Variants in PNLIP observed in about 807,000 individuals in gnomAD.
The protein encoded by PNLIP is pancreatic lipase.
In PNLIP, 49 loss-of-function variants were observed where a neutral mutation model predicts 57.1. The observed-to-expected ratio is 0.86, with a 90% CI of 0.68 to 1.09. The LOEUF is 1.09. Ranked by LOEUF, PNLIP falls within the 50% of genes least tolerant of loss-of-function variation. The pLI is 0.00. For missense variants in PNLIP, 503 were observed against 570.2 expected (o/e 0.88, Z 1.20); for synonymous variants, 209 against 200.4 (o/e 1.04, Z -0.36).
At chr10:116,547,159 G>A in intron 2 of PNLIP, 135 bp from the exon 3 acceptor site, 1 of 764,368 alleles carries the variant, frequency 1.3e-6, no homozygotes, top group Non-Finnish European at 2.2e-6. Context: ...TGTTTTGTGA[G>A]TGTGTGGCTA....
At chr10:116,556,887 G>A (rs973914390) in intron 9 of PNLIP, among the ~76,000 whole-genome samples, 5 of 152,210 alleles carry the variant, frequency 3.3e-5, no homozygotes, top group African/African-American at 1.2e-4. Flanking sequence ...GAGAGAGGAT[G>A]CAAATCTTGG....
chr10:116,549,587 T>C (rs903917600), intron 4 of PNLIP, among the ~76,000 whole-genome samples: 2 of 152,194 alleles, frequency 1.3e-5, no homozygotes, highest in Non-Finnish European at 2.9e-5. Flanking sequence ...ACCTATCCAT[T>C]GATCCTGAAG....
At chr10:116,566,620 T>C (rs923670769) in intron 12 of PNLIP, among the ~76,000 whole-genome samples, 1 of 152,232 alleles carries the variant, frequency 6.6e-6, no homozygotes, top group Non-Finnish European at 1.5e-5. Context: ...ATGAGGTAGA[T>C]GGTTTTATTA....
intron 9 of PNLIP, among the ~76,000 whole-genome samples, chr10:116,558,078 T>G (rs1353058961): frequency 6.7e-6 from 1 of 150,134 alleles, no homozygotes; most frequent in Non-Finnish European, 1.5e-5. Flanking sequence ...TTTTTAAACC[T>G]TTAAAAAAAA....
In PNLIP at chr10:116,562,065, A is replaced by G. The variant is rs547928381; in HGVS notation, c.1334+429A>G. ...CAAATCACTGGTCTTCTTAGTGAAG[A>G]CGAAGGTCCAGGAGATAATTCTTGG... On this transcript the variant is annotated intron_variant, in intron 12 of 12. Coordinates refer to ENST00000369221, the MANE Select transcript of PNLIP (RefSeq NM_000936.4). Among the ~76,000 whole-genome samples, 11 of 152,340 alleles carry G rather than the reference A, an allele frequency of 7.2e-5. No individual in the cohort carries two copies. In the South Asian group the frequency reaches 2.1e-3, roughly 29 times the overall value.
intron 5 of PNLIP, among the ~76,000 whole-genome samples, chr10:116,551,681 C>T (rs1227733251): frequency 6.6e-6 from 1 of 152,142 alleles, no homozygotes; most frequent in Admixed American, 6.5e-5. Flanking sequence ...ACTTTCTAAT[C>T]CAAATACTTG....
At chr10:116,561,374 T>C (rs1847313492) in intron 11 of PNLIP, 98 bp from the exon 12 acceptor site, 1 of 779,484 alleles carries the variant, frequency 1.3e-6, no homozygotes, top group East Asian at 2.8e-5. Context: ...AACATAAATG[T>C]GTATGTATAT....
chr10:116,557,510 T>C (rs1847265411), intron 9 of PNLIP, among the ~76,000 whole-genome samples: 1 of 152,222 alleles, frequency 6.6e-6, no homozygotes, highest in Non-Finnish European at 1.5e-5. Context: ...TTGCCTGTTT[T>C]ATTGATGGGC....
At chr10:116,560,124 G>A (rs555033606) in intron 10 of PNLIP, among the ~76,000 whole-genome samples, 12 of 151,604 alleles carry the variant, frequency 7.9e-5, no homozygotes, top group African/African-American at 2.9e-4. Context: ...AAATTGTCAG[G>A]TTGGAAATTG....
At position 116,555,213 on chromosome 10, in the gene PNLIP, C is replaced by T. The variant is rs1441897443; in HGVS notation, c.607C>T (p.Pro203Ser). 1.9e-6 allele frequency: 3 copies of T among 1,614,154 alleles called. No individual in the cohort carries two copies. The highest frequency in any genetic ancestry group is 1.7e-5 in the Admixed American group (1 of 60,024). ...DPAEPCFQGT[P>S]ELVRLDPSDA... ...AGCAGAACCTTGCTTTCAGGGCACA[C>T]CTGAATTAGTCCGATTGGACCCCAG... Residue 203 changes from proline to serine, a missense_variant, in exon 7 of 13, where the codon CCT (proline) becomes TCT (serine). Pro to Ser is a moderately conservative substitution (Grantham distance 74, BLOSUM62 -1). Transcript: ENST00000369221.
chr10:116,556,055 T>G lies in PNLIP; in HGVS notation c.867T>G (p.Asp289Glu). Residue 289 changes from aspartate to glutamate, a missense_variant, in exon 9 of 13, where the codon GAT becomes GAG. Physicochemically the swap from Asp to Glu is conservative, Grantham distance 45 (BLOSUM62 2). Coordinates refer to ENST00000369221, the MANE Select transcript of PNLIP (RefSeq NM_000936.4). ...NHLRSYKYYT[D>E]SIVNPDGFAG... ...TAAGAAGCTACAAATATTACACTGATAGCATCGTCAACCCTGATGGCTTTG... is the reference window on the plus strand; with the variant it reads ...TAAGAAGCTACAAATATTACACTGAGAGCATCGTCAACCCTGATGGCTTTG... 1.2e-6 allele frequency: 2 copies of G among 1,614,084 alleles called. No homozygotes were observed. The highest frequency in any genetic ancestry group is 1.7e-6 in the Non-Finnish European group (2 of 1,179,936).
At chr10:116,560,550 C>CTTT (rs753235094) in intron 11 of PNLIP, 26 bp downstream of exon 11, 1,445 of 504,060 alleles carry the variant, frequency 2.9e-3, no homozygotes, top group South Asian at 8.8e-3. Flanking sequence ...TTGCTCTATG[C>CTTT]TTTTTTTTTT....
intron 2 of PNLIP, among the ~76,000 whole-genome samples, chr10:116,546,979 G>A (rs1332107883): frequency 6.6e-6 from 1 of 152,192 alleles, no homozygotes; most frequent in East Asian, 1.9e-4. Flanking sequence ...ACACAGGGCT[G>A]TCCCTTTCTT....
At chr10:116,560,342 G>A (rs534985152) in intron 10 of PNLIP, 74 bp from the exon 11 acceptor site, 5 of 718,478 alleles carry the variant, frequency 7.0e-6, no homozygotes, top group East Asian at 5.1e-5. Flanking sequence ...CGTGGCAGTA[G>A]TGGGATGCAA....
At chr10:116,547,975 A>G (rs1465931898) in intron 3 of PNLIP, among the ~76,000 whole-genome samples, 1 of 152,088 alleles carries the variant, frequency 6.6e-6, no homozygotes, top group East Asian at 1.9e-4. Flanking sequence ...CTATATTTAT[A>G]CATATAAAGT....
In PNLIP at chr10:116,555,302, G is replaced by C. The variant is rs764814096; in HGVS notation, c.691+5G>C. The stretch of plus-strand genomic sequence containing the variant: ...CCCCCATAGTCCCCAATTTGGGTGA[G>C]TTCCTCAACCCGTCCCCCAAAGGGT... On this transcript the variant is annotated splice_donor_5th_base_variant and intron_variant, in intron 7 of 12. Coordinates refer to ENST00000369221, the MANE Select transcript of PNLIP (RefSeq NM_000936.4). 12 of 1,614,032 alleles carry C rather than the reference G, an allele frequency of 7.4e-6. No individual in the cohort carries two copies. The highest frequency in any genetic ancestry group is 1.0e-5 in the Non-Finnish European group (12 of 1,180,030).
chr10:116,551,297 A>G, intron 5 of PNLIP, 65 bp downstream of exon 5: 1 of 1,189,820 alleles, frequency 8.4e-7, no homozygotes, highest in Non-Finnish European at 1.1e-6. Flanking sequence ...TTCCAAAAAA[A>G]AAAAAAAAAG....
intron 12 of PNLIP, among the ~76,000 whole-genome samples, chr10:116,566,015 G>A (rs1420336392): frequency 6.6e-6 from 1 of 152,148 alleles, no homozygotes; most frequent in Non-Finnish European, 1.5e-5. Flanking sequence ...CGTCATGTTG[G>A]CCAGGCTGGT....
rs1159369615 is a variant in PNLIP, at chr10:116,561,480, TC to T, written c.1179del (p.Lys394AsnfsTer30). On this transcript the variant is annotated frameshift_variant, in exon 12 of 13. Transcript: ENST00000369221. LOFTEE classifies it high-confidence loss of function. ...SKQYEIFKGT[L>X]KPDSTHSNEF... Reference sequence around the variant, plus strand: ...ACTTCTTAAATCCTTAGGGGCACTCTCAAACCAGATAGTACTCATTCCAATG... The same window carrying T: ...ACTTCTTAAATCCTTAGGGGCACTCTAAACCAGATAGTACTCATTCCAATG... The T allele has an allele frequency of 6.2e-7, 1 of 1,612,134 alleles. No individual in the cohort carries two copies.
Sources: gnomAD v4.1 joint callset for allele counts (sites outside exome capture counted in the v4.1 genomes callset) on GRCh38, gnomAD v4.1.1 for gene constraint, MANE v1.5 for transcripts, NCBI Gene and HGNC (gene_info 2026-07-23, HGNC 2026-07-21) for gene names.